WDR25: variants seen among roughly 807,000 people sequenced by gnomAD.
WDR25 encodes the protein WD repeat-containing protein 25.
A neutral mutation model predicts 47.7 loss-of-function variants in WDR25; 35 were observed. That is an observed-to-expected ratio of 0.73 (90% CI 0.56 to 0.97). WDR25 has a LOEUF of 0.97. WDR25 is among the 50% of genes least tolerant of loss of function. WDR25 has a pLI of 0.00. For missense variants in WDR25, 634 were observed against 704.7 expected (o/e 0.90, Z 1.14); for synonymous variants, 248 against 278.9 (o/e 0.89, Z 1.10).
At position 100,506,604 on chromosome 14, in the gene WDR25, A is replaced by T. The variant is rs1205394709; in HGVS notation, c.1102-19266A>T. On this transcript the variant is annotated intron_variant, in intron 4 of 6. Coordinates refer to ENST00000402312, the MANE Select transcript of WDR25 (RefSeq NM_001161476.3). This position sits in a 1 kb window ranked among gnomAD's most constrained non-coding sequence, Gnocchi z 4.8. The stretch of plus-strand genomic sequence containing the variant: ...TTTTTTTGACTTTTTAGTAATAGCC[A>T]TGCTGTCTGGTGTGAGAAGTTATCT... Among the ~76,000 whole-genome samples, 1 of 152,154 alleles carries T rather than the reference A, an allele frequency of 6.6e-6. No individual in the cohort carries two copies. The highest frequency in any genetic ancestry group is 2.4e-5 in the African/African-American group (1 of 41,432).
At chr14:100,419,577 C>T (rs1440911183) in intron 2 of WDR25, among the ~76,000 whole-genome samples, 1 of 152,156 alleles carries the variant, frequency 6.6e-6, no homozygotes, top group African/African-American at 2.4e-5. Context: ...TTAAATTATT[C>T]TAGAAGTTTT....
chr14:100,454,999 T>C (rs906477880), intron 2 of WDR25: 4 of 152,474 alleles, frequency 2.6e-5, no homozygotes, highest in African/African-American at 9.7e-5. Context: ...ATGTTCAGTA[T>C]TCCACCCAAA....
At chr14:100,395,361 A>C (rs1167201482) in intron 2 of WDR25, among the ~76,000 whole-genome samples, 1 of 152,206 alleles carries the variant, frequency 6.6e-6, no homozygotes, top group East Asian at 1.9e-4. Flanking sequence ...GGATTAAACA[A>C]GAGAACCCAC....
intron 3 of WDR25, among the ~76,000 whole-genome samples, chr14:100,479,027 G>A (rs979848456): frequency 5.9e-5 from 9 of 151,926 alleles, no homozygotes; most frequent in African/African-American, 2.2e-4. Context: ...AGCAATAAGC[G>A]CAGTTGTCCT....
rs1306667529 is a variant in WDR25 at position 100,404,939 on chromosome 14, C to G, written c.822+23193C>G. Among the ~76,000 whole-genome samples, 2 of 152,132 alleles carry G rather than the reference C, an allele frequency of 1.3e-5. No individual in the cohort carries two copies. The highest frequency in any genetic ancestry group is 1.3e-4 in the Admixed American group (2 of 15,278). On this transcript the variant is annotated intron_variant, in intron 2 of 6. Transcript: ENST00000402312. This position sits in a 1 kb window ranked among gnomAD's most constrained non-coding sequence, Gnocchi z 4.6. ...TGTTTGGGCCCTTCCTCTTAACCCT[C>G]CTACCTTGTGTCCCCATGCTAGTTC... is the stretch of plus-strand genomic sequence containing the variant.
intron 2 of WDR25, among the ~76,000 whole-genome samples, chr14:100,383,759 A>T (rs927904862): frequency 1.4e-4 from 21 of 152,200 alleles, no homozygotes; most frequent in African/African-American, 4.1e-4. Flanking sequence ...GGAGTAGACA[A>T]ATGTGCCAGG....
chr14:100,392,727 C>T lies in WDR25; in HGVS notation c.822+10981C>T, dbSNP rs988743760. 2.8e-4 allele frequency among the ~76,000 whole-genome samples: 42 copies of T among 152,140 alleles called. No homozygotes were observed. Among genetic ancestry groups the T allele is most frequent in the African/African-American group, 8.4e-4 (35 of 41,426 alleles). On this transcript the variant is annotated intron_variant, in intron 2 of 6. Coordinates refer to ENST00000402312, the MANE Select transcript of WDR25 (RefSeq NM_001161476.3). The surrounding 1 kb of genome is among the most constrained non-coding windows in gnomAD (Gnocchi z 4.2). Reference sequence around the variant, plus strand: ...CCGTCAATTTTCACTGGTTCCATGACGCTCTATCGAGTTGATTAACTGTAA... The same window carrying T: ...CCGTCAATTTTCACTGGTTCCATGATGCTCTATCGAGTTGATTAACTGTAA...
chr14:100,490,311 G>A (rs929822770), intron 4 of WDR25, among the ~76,000 whole-genome samples: 4 of 152,250 alleles, frequency 2.6e-5, no homozygotes, highest in Admixed American at 2.0e-4. Flanking sequence ...CAGGAAGGGC[G>A]CAAACTGTCG....
rs1898148167 is a variant in WDR25, at chr14:100,425,674, C to T, written c.823-42347C>T. Among the ~76,000 whole-genome samples the T allele has an allele frequency of 6.6e-6, 1 of 152,188 alleles. No homozygotes were observed. Among genetic ancestry groups the T allele is most frequent in the Non-Finnish European group, 1.5e-5 (1 of 68,034 alleles). On this transcript the variant is annotated intron_variant, in intron 2 of 6. Coordinates refer to ENST00000402312, the MANE Select transcript of WDR25 (RefSeq NM_001161476.3). The surrounding 1 kb of genome is among the most constrained non-coding windows in gnomAD (Gnocchi z 4.8). Reference sequence around the variant, plus strand: ...CAGCAGGCTGTTAATGAGGTCCTGACAAGCTTTCGTTTTGAAGGAGTTCTC... The same window carrying T: ...CAGCAGGCTGTTAATGAGGTCCTGATAAGCTTTCGTTTTGAAGGAGTTCTC...
At chr14:100,380,305 C>T (rs536496954) in intron 1 of WDR25, among the ~76,000 whole-genome samples, 1 of 152,112 alleles carries the variant, frequency 6.6e-6, no homozygotes, top group East Asian at 1.9e-4. Flanking sequence ...ACCTCAGCCT[C>T]CCAGAATGCT....
At chr14:100,480,590 T>C (rs1238168114) in intron 3 of WDR25, among the ~76,000 whole-genome samples, 1 of 152,214 alleles carries the variant, frequency 6.6e-6, no homozygotes, top group African/African-American at 2.4e-5. Flanking sequence ...AAAACAGATG[T>C]TTTTGTTTCC....
chr14:100,377,468 T>A (rs80042218), intron 1 of WDR25, among the ~76,000 whole-genome samples: 2 of 90,552 alleles, frequency 2.2e-5, no homozygotes, highest in South Asian at 3.3e-4. Flanking sequence ...CACGGCTAAA[T>A]TTTTTTTTTT....
rs966517559 is a variant in WDR25 at position 100,506,229 on chromosome 14, T to C, written c.1102-19641T>C. On this transcript the variant is annotated intron_variant, in intron 4 of 6. Coordinates refer to ENST00000402312, the MANE Select transcript of WDR25 (RefSeq NM_001161476.3). This position sits in a 1 kb window ranked among gnomAD's most constrained non-coding sequence, Gnocchi z 4.8. Reference sequence around the variant, plus strand: ...TGGTCTCCAACTTCATCCGTGTTGCTGCAAAGGACATGATTTCATCCTTTT... The same window carrying C: ...TGGTCTCCAACTTCATCCGTGTTGCCGCAAAGGACATGATTTCATCCTTTT... 6.6e-6 allele frequency among the ~76,000 whole-genome samples: 1 copy of C among 152,246 alleles called. No homozygotes were observed. The highest frequency in any genetic ancestry group is 2.4e-5 in the African/African-American group (1 of 41,468).
rs142152867 is a variant in WDR25 at position 100,524,476 on chromosome 14, C to T, written c.1102-1394C>T. Among the ~76,000 whole-genome samples the T allele has an allele frequency of 9.1e-4, 138 of 152,234 alleles. 2 individuals carry two copies. The highest frequency in any genetic ancestry group is 3.0e-3 in the African/African-American group (126 of 41,550). The stretch of plus-strand genomic sequence containing the variant: ...AGGCACAGGCATGCAGAATCCAGTG[C>T]GTGGAGGAAGGCAGGCAGCCGTGCC... On this transcript the variant is annotated intron_variant, in intron 4 of 6. Coordinates refer to ENST00000402312, the MANE Select transcript of WDR25 (RefSeq NM_001161476.3).
intron 2 of WDR25, among the ~76,000 whole-genome samples, chr14:100,437,251 G>C (rs902582985): frequency 8.5e-5 from 13 of 152,060 alleles, no homozygotes; most frequent in Admixed American, 5.2e-4. Flanking sequence ...TAGAAAGCAG[G>C]TCCCTTCTGC....
intron 2 of WDR25, among the ~76,000 whole-genome samples, chr14:100,416,840 G>A (rs1361039558): frequency 2.0e-5 from 3 of 152,178 alleles, no homozygotes; most frequent in Non-Finnish European, 4.4e-5. Flanking sequence ...TCTGTAGCAG[G>A]CACTTGGGGC....
rs1186112523 is a variant in WDR25, at chr14:100,502,641, G to A, written c.1101+18517G>A. Reference sequence around the variant, plus strand: ...CACTGCATGGCCAAGTGGCCACGGCGTGGGGGAACATGAGGTCCCTCCCTG... The same window carrying A: ...CACTGCATGGCCAAGTGGCCACGGCATGGGGGAACATGAGGTCCCTCCCTG... On this transcript the variant is annotated intron_variant, in intron 4 of 6. Coordinates refer to ENST00000402312, the MANE Select transcript of WDR25 (RefSeq NM_001161476.3). This position sits in a 1 kb window ranked among gnomAD's most constrained non-coding sequence, Gnocchi z 4.5. Among the ~76,000 whole-genome samples, 1 of 152,224 alleles carries A rather than the reference G, an allele frequency of 6.6e-6. No homozygotes were observed. The highest frequency in any genetic ancestry group is 1.5e-5 in the Non-Finnish European group (1 of 68,046).
At chr14:100,494,134 C>A (rs527337716) in intron 4 of WDR25, among the ~76,000 whole-genome samples, 24 of 152,364 alleles carry the variant, frequency 1.6e-4, no homozygotes, top group African/African-American at 5.8e-4. Context: ...TCACAGCTTA[C>A]TGCAGCCTCA....
chr14:100,490,162 A>G (rs1031101839), intron 4 of WDR25, among the ~76,000 whole-genome samples: 1 of 152,052 alleles, frequency 6.6e-6, no homozygotes, highest in Admixed American at 6.5e-5. Context: ...TCAGCTTCCT[A>G]TGATCCTAGC....
Sources: allele counts gnomAD v4.1 joint callset (sites outside exome capture counted in the v4.1 genomes callset), GRCh38; gene constraint gnomAD v4.1.1; non-coding constraint Gnocchi (gnomAD v3.1); transcripts MANE v1.5; gene names NCBI Gene and HGNC (gene_info 2026-07-23, HGNC 2026-07-21).